Variants in TIAM1 observed in about 807,000 individuals in gnomAD.
The protein encoded by TIAM1 is rho guanine nucleotide exchange factor TIAM1.
Under a neutral mutation model 163.5 loss-of-function variants are expected in TIAM1, and 65 were observed. The ratio of observed to expected loss-of-function variants is 0.40; its 90% CI spans 0.33 to 0.49. The LOEUF is 0.49. TIAM1 is among the 20% of genes least tolerant of loss of function. TIAM1 has a pLI of 0.77. For synonymous variants in TIAM1, 833 were observed against 810.1 expected (o/e 1.03, Z -0.48); for missense variants, 1,789 against 2,044.7 (o/e 0.87, Z 2.41).
At chr21:31,288,778 A>G (rs2073909146) in intron 2 of TIAM1, among the ~76,000 whole-genome samples, 1 of 152,176 alleles carries the variant, frequency 6.6e-6, no homozygotes, top group Non-Finnish European at 1.5e-5. Context: ...TTCAAACATT[A>G]TCTCAACCAC....
At chr21:31,199,719 TGGA>T (rs56724572) in intron 12 of TIAM1, among the ~76,000 whole-genome samples, 5,902 of 151,126 alleles carry the variant, frequency 0.039, 415 homozygotes, top group African/African-American at 0.13. Flanking sequence ...TTAGTAGAGA[TGGA>T]GTTTCAGCAT....
At chr21:31,174,066 A>C (rs181119572) in intron 15 of TIAM1, among the ~76,000 whole-genome samples, 1 of 152,336 alleles carries the variant, frequency 6.6e-6, no homozygotes, top group Admixed American at 6.5e-5. Context: ...GGTATCTGTG[A>C]GACTTCAGAG....
intron 2 of TIAM1, among the ~76,000 whole-genome samples, chr21:31,359,120 C>T (rs1427587796): frequency 2.0e-5 from 3 of 152,150 alleles, no homozygotes; most frequent in East Asian, 3.9e-4. Flanking sequence ...TAATCTACCC[C>T]GCTTACCTCC....
chr21:31,328,251 G>A (rs767374793), intron 2 of TIAM1, among the ~76,000 whole-genome samples: 10 of 152,048 alleles, frequency 6.6e-5, no homozygotes, highest in African/African-American at 1.2e-4. Flanking sequence ...AACTACAGTC[G>A]CCATTCCCTA....
At position 31,142,045 on chromosome 21, in the gene TIAM1, G is replaced by A. The variant is rs192961090; in HGVS notation, c.3476-541C>T. 6.3e-4 allele frequency among the ~76,000 whole-genome samples: 96 copies of A among 152,082 alleles called. 2 individuals carry two copies. The East Asian group carries it at 0.014, about 22-fold the overall frequency. On this transcript the variant is annotated intron_variant, in intron 20 of 27. Coordinates refer to ENST00000541036, the MANE Select transcript of TIAM1 (RefSeq NM_001353694.2). ...CGGCTTCGAGTGCACCACAGAGCCC[G>A]GCCTCCCCAGTTCCTTCCCTCAGAA...
intron 27 of TIAM1, among the ~76,000 whole-genome samples, chr21:31,123,774 C>A (rs11909583): frequency 0.03 from 4,501 of 152,234 alleles, 217 homozygotes; most frequent in African/African-American, 0.1. Flanking sequence ...ATCTTGATGT[C>A]ATTAAGTCCC....
intron 2 of TIAM1, among the ~76,000 whole-genome samples, chr21:31,387,645 A>G (rs559635129): frequency 2.7e-5 from 4 of 150,584 alleles, no homozygotes; most frequent in Admixed American, 2.6e-4. Context: ...GGGAAGACCA[A>G]GGACTTCTCT....
intron 12 of TIAM1, 47 bp from the exon 13 acceptor site, chr21:31,195,352 C>T (rs1569004621): frequency 7.3e-7 from 1 of 1,364,674 alleles, no homozygotes; most frequent in East Asian, 2.3e-5. Context: ...TTATAACTAA[C>T]TTTTAAAAAT....
intron 2 of TIAM1, among the ~76,000 whole-genome samples, chr21:31,411,664 T>G (rs929760388): frequency 6.6e-6 from 1 of 152,004 alleles, no homozygotes; most frequent in Non-Finnish European, 1.5e-5. Flanking sequence ...TTAATAGAGA[T>G]GAGGTTTCAC....
At chr21:31,126,161 T>C (rs905572408) in intron 26 of TIAM1, among the ~76,000 whole-genome samples, 1 of 152,204 alleles carries the variant, frequency 6.6e-6, no homozygotes, top group Non-Finnish European at 1.5e-5. Flanking sequence ...TTATAAAATA[T>C]TGCTAATAAT....
At chr21:31,213,707 C>T (rs1452485503) in intron 9 of TIAM1, among the ~76,000 whole-genome samples, 3 of 151,838 alleles carry the variant, frequency 2.0e-5, no homozygotes, top group Non-Finnish European at 4.4e-5. Flanking sequence ...AAAAAGTTTG[C>T]TCTCAAATAT....
chr21:31,496,447 G>A (rs1400210474), intron 1 of TIAM1, among the ~76,000 whole-genome samples: 2 of 134,062 alleles, frequency 1.5e-5, no homozygotes, highest in Admixed American at 1.6e-4. Flanking sequence ...TCCAGCCTGG[G>A]CAACTCTGTC....
chr21:31,543,315 T>C (rs2048377793), intron 1 of TIAM1, among the ~76,000 whole-genome samples: 1 of 152,248 alleles, frequency 6.6e-6, no homozygotes, highest in African/African-American at 2.4e-5. Flanking sequence ...GCTCGCGCTC[T>C]TGGCAATGAC....
intron 4 of TIAM1, among the ~76,000 whole-genome samples, chr21:31,258,377 A>G (rs1402202040): frequency 6.6e-6 from 1 of 152,248 alleles, no homozygotes; most frequent in Non-Finnish European, 1.5e-5. Flanking sequence ...TTCTAAACTC[A>G]GCTCATGCTC....
intron 1 of TIAM1, among the ~76,000 whole-genome samples, chr21:31,489,550 T>C (rs1420293108): frequency 1.1e-5 from 1 of 92,666 alleles, no homozygotes; most frequent in Non-Finnish European, 2.1e-5. Flanking sequence ...GAGGGAAAAT[T>C]GTGCTAAGGG....
intron 26 of TIAM1, among the ~76,000 whole-genome samples, chr21:31,125,762 A>G (rs2082173240): frequency 6.6e-6 from 1 of 152,158 alleles, no homozygotes; most frequent in Non-Finnish European, 1.5e-5. Context: ...TTTAGTGGAG[A>G]CGGGGCTTTG....
intron 5 of TIAM1, among the ~76,000 whole-genome samples, chr21:31,246,307 C>T (rs559147353): frequency 3.9e-5 from 6 of 152,158 alleles, no homozygotes; most frequent in Admixed American, 1.3e-4. Context: ...TGGGAGAAGC[C>T]GGAGTCCTGG....
intron 12 of TIAM1, among the ~76,000 whole-genome samples, chr21:31,200,378 A>G (rs2086133402): frequency 6.6e-6 from 1 of 152,212 alleles, no homozygotes; most frequent in African/African-American, 2.4e-5. Flanking sequence ...ACAAACCTTA[A>G]ACTGAAAATC....
At chr21:31,139,051 C>T (rs1273804233) in intron 22 of TIAM1, among the ~76,000 whole-genome samples, 9 of 152,162 alleles carry the variant, frequency 5.9e-5, no homozygotes, top group Admixed American at 5.9e-4. Context: ...AGCACTATAT[C>T]ACTTTGTTCC....
Sources: allele counts gnomAD v4.1 joint callset (sites outside exome capture counted in the v4.1 genomes callset), GRCh38; gene constraint gnomAD v4.1.1; transcripts MANE v1.5; gene names NCBI Gene and HGNC (gene_info 2026-07-23, HGNC 2026-07-21).